MTTP: variants seen among roughly 807,000 people sequenced by gnomAD.
The protein encoded by MTTP is microsomal triglyceride transfer protein, also known as microsomal triglyceride transfer protein large subunit.
A neutral mutation model predicts 90.6 loss-of-function variants in MTTP; 49 were observed. The ratio of observed to expected loss-of-function variants is 0.54; its 90% CI spans 0.43 to 0.69. The LOEUF (loss-of-function observed/expected upper bound fraction) is 0.69, where lower values mean the gene tolerates loss of function less well. Ranked by LOEUF, MTTP falls within the 30% of genes least tolerant of loss-of-function variation. MTTP has a pLI of 0.00. For synonymous variants in MTTP, 347 were observed against 384.2 expected (o/e 0.90, Z 1.13); for missense variants, 945 against 1,067.5 (o/e 0.89, Z 1.60).
chr4:99,594,708 A>T (rs1226056012), intron 6 of MTTP, 25 bp from the exon 7 acceptor site: 1 of 1,612,854 alleles, frequency 6.2e-7, no homozygotes, highest in South Asian at 1.1e-5. Flanking sequence ...ATTATAATAT[A>T]GCATTTCCCT....
rs532413821 is a variant in MTTP at position 99,565,525 on chromosome 4, A to C, written c.-102+1288A>C. On this transcript the variant is annotated intron_variant, in intron 1 of 18. Transcript: ENST00000457717. Reference sequence around the variant, plus strand: ...AAACAATATTTTCATTGATTTGTAAAATTTATGTATTTATTTATTTGACAC... The same window carrying C: ...AAACAATATTTTCATTGATTTGTAACATTTATGTATTTATTTATTTGACAC... 2.6e-5 allele frequency among the ~76,000 whole-genome samples: 4 copies of C among 152,286 alleles called. No homozygotes were observed. The East Asian group carries it at 7.7e-4, about 29-fold the overall frequency.
intron 12 of MTTP, among the ~76,000 whole-genome samples, chr4:99,609,682 G>T (rs1235431466): frequency 6.6e-6 from 1 of 151,840 alleles, no homozygotes; most frequent in African/African-American, 2.4e-5. Flanking sequence ...TAAAGGGAAA[G>T]AAAATGAAAA....
chr4:99,570,627 T>G (rs1724820621), upstream of MTTP: 1 of 452,818 alleles, frequency 2.2e-6, no homozygotes, highest in Non-Finnish European at 4.4e-6. Flanking sequence ...ATAGTCTAAG[T>G]TAAGGTTGTA....
chr4:99,608,668 T>G (rs1725878102), intron 11 of MTTP, 98 bp from the exon 12 acceptor site: 2 of 946,670 alleles, frequency 2.1e-6, no homozygotes, highest in Non-Finnish European at 3.4e-6. Context: ...TAGTAACACA[T>G]GTATATTTTT....
At chr4:99,579,433 G>A (rs895366741) in intron 1 of MTTP, among the ~76,000 whole-genome samples, 29 of 152,072 alleles carry the variant, frequency 1.9e-4, no homozygotes, top group African/African-American at 7.0e-4. Flanking sequence ...TGCACTTGCT[G>A]TTTCCTCTGT....
chr4:99,577,170 T>C (rs573099647), intron 1 of MTTP, among the ~76,000 whole-genome samples: 4 of 152,198 alleles, frequency 2.6e-5, no homozygotes, highest in Non-Finnish European at 5.9e-5. Flanking sequence ...AAACAACTTG[T>C]GAAGAGTTTA....
intron 1 of MTTP, among the ~76,000 whole-genome samples, chr4:99,581,685 A>C (rs897078652): frequency 6.6e-6 from 1 of 152,196 alleles, no homozygotes; most frequent in Non-Finnish European, 1.5e-5. Flanking sequence ...TTAGGAATAC[A>C]AACTAAGGTT....
At chr4:99,621,002 A>T in intron 16 of MTTP, 59 bp from the exon 17 acceptor site, 1 of 1,495,758 alleles carries the variant, frequency 6.7e-7, no homozygotes, top group Non-Finnish European at 9.2e-7. Flanking sequence ...TACAGCTGTT[A>T]GTCCAATACC....
Position 99,608,988 on chromosome 4 carries a change from T to C in MTTP, c.1769+11T>C, listed in dbSNP as rs1725888251. ...TGAAATGCCTGCAAGGTATAATACA[T>C]TGCACATGTCTCTCTGTGTATTCAA... On this transcript the variant is annotated intron_variant, in intron 12 of 17. Coordinates refer to ENST00000265517, the MANE Select transcript of MTTP (RefSeq NM_001386140.1). 1 of 1,605,128 alleles carries C rather than the reference T, an allele frequency of 6.2e-7. No individual in the cohort carries two copies. The highest frequency in any genetic ancestry group is 8.5e-7 in the Non-Finnish European group (1 of 1,172,020).
intron 15 of MTTP, among the ~76,000 whole-genome samples, chr4:99,614,180 T>G (rs1286907086): frequency 6.6e-6 from 1 of 152,188 alleles, no homozygotes; most frequent in Non-Finnish European, 1.5e-5. Context: ...CTCCGTTACC[T>G]TCTTGCTATG....
intron 5 of MTTP, 72 bp from the exon 6 acceptor site, chr4:99,591,579 T>A: frequency 1.3e-6 from 2 of 1,512,268 alleles, no homozygotes; most frequent in Middle Eastern, 2.2e-4. Context: ...TGAAAGACAG[T>A]TTGCTATTTG....
At chr4:99,566,288 CAAAAAAAAGAAAAAAAA>C (rs1258257508) in intron 1 of MTTP, among the ~76,000 whole-genome samples, 4 of 80,448 alleles carry the variant, frequency 5.0e-5, no homozygotes, top group African/African-American at 2.0e-4. Flanking sequence ...TACTCCGTCT[CAAAAAAAAGAAAAAAAA>C]AAAAAAAAAG....
chr4:99,596,470 T>C (rs569733391), intron 7 of MTTP, among the ~76,000 whole-genome samples: 3 of 152,272 alleles, frequency 2.0e-5, no homozygotes, highest in African/African-American at 7.2e-5. Flanking sequence ...AATAACTTAG[T>C]GTGTGTGAGA....
intron 10 of MTTP, among the ~76,000 whole-genome samples, chr4:99,604,949 G>A (rs368619482): frequency 1.1e-4 from 16 of 152,084 alleles, no homozygotes; most frequent in African/African-American, 2.2e-4. Flanking sequence ...ATATTCCATC[G>A]CATGTACACA....
chr4:99,616,821 A>G (rs1207527906), intron 15 of MTTP, among the ~76,000 whole-genome samples: 3 of 152,166 alleles, frequency 2.0e-5, no homozygotes, highest in African/African-American at 7.2e-5. Context: ...CTTGCAATGG[A>G]AATGCTCTCT....
chr4:99,592,359 A>G (rs1396004098), intron 6 of MTTP, among the ~76,000 whole-genome samples: 1 of 152,194 alleles, frequency 6.6e-6, no homozygotes, highest in Non-Finnish European at 1.5e-5. Context: ...TCCATCATAA[A>G]TTAACCTTAG....
At chr4:99,612,690 T>A (rs1725990118) in intron 14 of MTTP, among the ~76,000 whole-genome samples, 1 of 152,162 alleles carries the variant, frequency 6.6e-6, no homozygotes, top group South Asian at 2.1e-4. Context: ...ATGGGTAATA[T>A]CATATGTACT....
intron 16 of MTTP, chr4:99,620,818 T>A (rs142434690): frequency 7.5e-4 from 406 of 541,190 alleles, no homozygotes; most frequent in African/African-American, 7.0e-3. Context: ...ACTCCCCACA[T>A]CTGCAACTGA....
intron 8 of MTTP, among the ~76,000 whole-genome samples, chr4:99,598,288 T>C (rs1044632731): frequency 6.6e-6 from 1 of 152,192 alleles, no homozygotes; most frequent in Non-Finnish European, 1.5e-5. Context: ...GGACTTGTCT[T>C]AACATTATTT....
Sources: gnomAD v4.1 joint callset for allele counts (sites outside exome capture counted in the v4.1 genomes callset) on GRCh38, gnomAD v4.1.1 for gene constraint, MANE v1.5 for transcripts, NCBI Gene and HGNC (gene_info 2026-07-23, HGNC 2026-07-21) for gene names.